The following RAB8B variants were observed in gnomAD, a reference collection of about 807,000 sequenced individuals.
RAB8B encodes the protein ras-related protein Rab-8B.
In RAB8B, 11 loss-of-function variants were observed where a neutral mutation model predicts 32.0. The observed-to-expected ratio is 0.34, with a 90% CI of 0.22 to 0.57. The LOEUF (loss-of-function observed/expected upper bound fraction) is 0.57, where lower values mean the gene tolerates loss of function less well. Ranked by LOEUF, RAB8B falls within the 20% of genes least tolerant of loss-of-function variation. The probability of loss-of-function intolerance (pLI) is 0.86; values close to 1 mark genes in which losing one functional copy is unlikely to be tolerated. For synonymous variants in RAB8B, 103 were observed against 89.6 expected, an observed-to-expected ratio of 1.15 and a Z score of -0.85; for missense variants, 190 against 258.5, an observed-to-expected ratio of 0.73 and a Z score of 1.82.
At chr15:63,262,625 G>A (rs7172246) in intron 6 of RAB8B, 67 bp from the exon 7 acceptor site, 85,523 of 360,264 alleles carry the variant, frequency 0.24, 8,822 homozygotes, top group Admixed American at 0.38. Flanking sequence ...ATATATATGT[G>A]TATATATATA....
chr15:63,267,545 T>A lies in RAB8B; in HGVS notation c.*3926T>A, dbSNP rs1171810410. 1 of 152,232 alleles carries A rather than the reference T, an allele frequency of 6.6e-6. No homozygotes were observed. The highest frequency in any genetic ancestry group is 1.5e-5 in the Non-Finnish European group (1 of 68,042). The allele number at this position is 152,232 out of a possible 1,614,324, so 9.4% of individuals were successfully genotyped here. A position where few individuals can be genotyped will look rare whatever the true frequency, so the allele number is the denominator to read the frequency against. On this transcript the variant is annotated 3_prime_UTR_variant, in exon 8 of 8. Transcript: ENST00000321437. The stretch of plus-strand genomic sequence containing the variant: ...ATGGAAACTCTCTAGTTTTTCCATA[T>A]AACTATCCTACTGTACATGTTTAAA...
Position 63,266,175 on chromosome 15 carries a change from G to A in RAB8B, c.*2556G>A, listed in dbSNP as rs1305162508. ...ACATTTTTGTGGTCTTATGGATAAG[G>A]TACATGAAGATTTTTGCAGCAGTAT... On this transcript the variant is annotated 3_prime_UTR_variant, in exon 8 of 8. Transcript: ENST00000321437. The A allele has an allele frequency of 1.3e-5, 2 of 152,472 alleles. No homozygotes were observed. The highest frequency in any genetic ancestry group is 2.9e-5 in the Non-Finnish European group (2 of 67,978). The allele number at this position is 152,472 out of a possible 1,614,324, so 9.4% of individuals were successfully genotyped here. A position where few individuals can be genotyped will look rare whatever the true frequency, so the allele number is the denominator to read the frequency against.
intron 1 of RAB8B, among the ~76,000 whole-genome samples, chr15:63,244,496 T>C (rs139264973): frequency 6.6e-6 from 1 of 152,280 alleles, no homozygotes; most frequent in African/African-American, 2.4e-5. Context: ...TTATATAACT[T>C]TGCAGGATGT....
chr15:63,246,724 A>T (rs1034323196), intron 2 of RAB8B, among the ~76,000 whole-genome samples: 1 of 152,142 alleles, frequency 6.6e-6, no homozygotes, highest in Non-Finnish European at 1.5e-5. Flanking sequence ...ATTGGTGATT[A>T]AGTCAACCTT....
intron 1 of RAB8B, among the ~76,000 whole-genome samples, chr15:63,232,847 C>G (rs1200108557): frequency 1.4e-5 from 2 of 138,866 alleles, no homozygotes; most frequent in Non-Finnish European, 3.4e-5. Flanking sequence ...TCTAAACTTA[C>G]TTTTATTGTG....
chr15:63,201,915 T>A (rs962964516), intron 1 of RAB8B, among the ~76,000 whole-genome samples: 1 of 151,896 alleles, frequency 6.6e-6, no homozygotes, highest in South Asian at 2.1e-4. Context: ...CAGGACTCTG[T>A]GTGTTGGGCA....
intron 1 of RAB8B, among the ~76,000 whole-genome samples, chr15:63,202,457 G>A (rs1035349641): frequency 6.6e-6 from 1 of 152,128 alleles, no homozygotes; most frequent in Non-Finnish European, 1.5e-5. Flanking sequence ...TGGGTCTCCC[G>A]GTTTCTAACT....
chr15:63,262,715 TATA>T lies in RAB8B; in HGVS notation c.507_509del (p.Ile169del), dbSNP rs1440201265. 1.4e-6 allele frequency: 2 copies of T among 1,457,808 alleles called. No homozygotes were observed. Among genetic ancestry groups the T allele is most frequent in the African/African-American group, 1.5e-5 (1 of 67,534 alleles). The allele number at this position is 1,457,808 out of a possible 1,614,324, so 90.3% of individuals were successfully genotyped here. A position where few individuals can be genotyped will look rare whatever the true frequency, so the allele number is the denominator to read the frequency against. On this transcript the variant is annotated inframe_deletion, in exon 7 of 8. Transcript: ENST00000321437. The stretch of plus-strand genomic sequence containing the variant: ...AGGCATTTTTTACACTTGCACGAGA[TATA>T]ATGACAAAACTCAACAGAAAAATGG...
chr15:63,246,106 C>T (rs1161947245), intron 2 of RAB8B, among the ~76,000 whole-genome samples: 1 of 152,118 alleles, frequency 6.6e-6, no homozygotes, highest in African/African-American at 2.4e-5. Flanking sequence ...CTCCTGACCT[C>T]AGGTAATCCG....
At chr15:63,261,261 G>A (rs144019301) in intron 6 of RAB8B, among the ~76,000 whole-genome samples, 2 of 152,272 alleles carry the variant, frequency 1.3e-5, no homozygotes, top group South Asian at 2.1e-4. Context: ...TTATCAAAGA[G>A]ATAGGCAATA....
intron 1 of RAB8B, among the ~76,000 whole-genome samples, chr15:63,197,085 T>G (rs1277995553): frequency 1.3e-5 from 2 of 152,094 alleles, no homozygotes; most frequent in Admixed American, 6.6e-5. Context: ...CAGCACTCAT[T>G]TGAGTGACAG....
chr15:63,250,135 T>G (rs1423483461), intron 3 of RAB8B, among the ~76,000 whole-genome samples: 1 of 152,076 alleles, frequency 6.6e-6, no homozygotes, highest in Admixed American at 6.5e-5. Context: ...AGAGCGAGAC[T>G]CCGTCTCAAA....
At chr15:63,216,261 C>A in intron 1 of RAB8B, among the ~76,000 whole-genome samples, 1 of 138,654 alleles carries the variant, frequency 7.2e-6, no homozygotes, top group Non-Finnish European at 1.5e-5. Context: ...CAGAGTCTTG[C>A]TCTGTCTCCC....
chr15:63,219,718 A>C (rs539284917), intron 1 of RAB8B, among the ~76,000 whole-genome samples: 1 of 152,300 alleles, frequency 6.6e-6, no homozygotes, highest in South Asian at 2.1e-4. Context: ...TTTTAGAAAA[A>C]CCAATTCTAT....
At chr15:63,197,253 T>C (rs771108327) in intron 1 of RAB8B, among the ~76,000 whole-genome samples, 4 of 151,536 alleles carry the variant, frequency 2.6e-5, no homozygotes, top group Non-Finnish European at 4.4e-5. Context: ...TTATGTTTTA[T>C]TCTCATCTTA....
chr15:63,241,982 T>A (rs71393141), intron 1 of RAB8B, among the ~76,000 whole-genome samples: 1 of 151,584 alleles, frequency 6.6e-6, no homozygotes, highest in Non-Finnish European at 1.5e-5. Context: ...GGAGGTGCCT[T>A]AGAGGAGAAA....
intron 1 of RAB8B, among the ~76,000 whole-genome samples, chr15:63,191,691 C>T (rs930814493): frequency 6.6e-6 from 1 of 152,114 alleles, no homozygotes; most frequent in African/African-American, 2.4e-5. Context: ...GTCCTTTTGT[C>T]CATTCTGTAT....
chr15:63,245,654 C>G (rs937699733), intron 2 of RAB8B, among the ~76,000 whole-genome samples: 15 of 152,188 alleles, frequency 9.9e-5, no homozygotes, highest in Admixed American at 4.6e-4. Flanking sequence ...CGCAGTGTCC[C>G]CACTTCAGCT....
intron 1 of RAB8B, among the ~76,000 whole-genome samples, chr15:63,221,056 G>A (rs182889962): frequency 2.9e-4 from 44 of 152,298 alleles, no homozygotes; most frequent in Admixed American, 7.2e-4. Context: ...ATAACTGGAG[G>A]ACAGAGGAGG....
Sources: allele counts gnomAD v4.1 joint callset (sites outside exome capture counted in the v4.1 genomes callset), GRCh38; gene constraint gnomAD v4.1.1; transcripts MANE v1.5; gene names NCBI Gene and HGNC (gene_info 2026-07-23, HGNC 2026-07-21).